The following ITPR1 variants were observed in gnomAD, a reference collection of about 807,000 sequenced individuals.
The protein encoded by ITPR1 is inositol 1,4,5-trisphosphate-gated calcium channel ITPR1.
A neutral mutation model predicts 318.4 loss-of-function variants in ITPR1; 96 were observed. The ratio of observed to expected loss-of-function variants is 0.30; its 90% CI spans 0.26 to 0.36. The LOEUF (loss-of-function observed/expected upper bound fraction) is 0.36, where lower values mean the gene tolerates loss of function less well. Ranked by LOEUF, ITPR1 falls within the 10% of genes least tolerant of loss-of-function variation. The probability of loss-of-function intolerance (pLI) is 1.00; values close to 1 mark genes in which losing one functional copy is unlikely to be tolerated. For synonymous variants in ITPR1, 1,312 were observed against 1,289.9 expected (o/e 1.02, Z -0.37); for missense variants, 2,440 against 3,460.2 (o/e 0.71, Z 7.40).
chr3:4,758,945 A>T (rs1220993566), intron 44 of ITPR1, among the ~76,000 whole-genome samples: 1 of 152,246 alleles, frequency 6.6e-6, no homozygotes, highest in Admixed American at 6.5e-5. Context: ...AAACACTTTG[A>T]TTACTACCAA....
At chr3:4,596,951 T>A (rs183879932) in intron 4 of ITPR1, among the ~76,000 whole-genome samples, 1 of 152,232 alleles carries the variant, frequency 6.6e-6, no homozygotes, top group East Asian at 1.9e-4. Flanking sequence ...TTACCAGGGG[T>A]TTGCCGCTTA....
At chr3:4,709,130 C>T (rs1387093173) in intron 37 of ITPR1, among the ~76,000 whole-genome samples, 1 of 152,166 alleles carries the variant, frequency 6.6e-6, no homozygotes, top group East Asian at 1.9e-4. Context: ...TGACTGGGTG[C>T]TTCCAAAAGG....
In ITPR1 at chr3:4,814,727, C is replaced by T. The variant is rs76736027; in HGVS notation, c.7701+165C>T. 11,218 of 688,658 alleles carry T rather than the reference C, an allele frequency of 0.016. 822 individuals are homozygous for T. The highest frequency in any genetic ancestry group is 0.16 in the African/African-American group (8,999 of 55,420). 42.7% of individuals were successfully genotyped at this position (688,658 alleles called of 1,614,324 possible). ...CATCAGGCTCCTTTCCTCTCTATCA[C>T]GTGAGGTGGTGCCGCAAAGTCAGCT... On this transcript the variant is annotated intron_variant, in intron 58 of 61. Transcript: ENST00000649015.
intron 4 of ITPR1, among the ~76,000 whole-genome samples, chr3:4,586,992 G>A (rs2089972023): frequency 6.6e-6 from 1 of 152,070 alleles, no homozygotes; most frequent in African/African-American, 2.4e-5. Context: ...ATTGTACTGG[G>A]AATCACCCGG....
intron 46 of ITPR1, 35 bp downstream of exon 46, chr3:4,768,799 C>A (rs943785545): frequency 6.3e-7 from 1 of 1,581,584 alleles, no homozygotes; most frequent in Admixed American, 1.7e-5. Flanking sequence ...GGAGGGAGCT[C>A]GGGAAAGGCT....
At chr3:4,567,470 G>A (rs62231456) in intron 4 of ITPR1, among the ~76,000 whole-genome samples, 55,182 of 151,976 alleles carry the variant, frequency 0.36, 10,510 homozygotes, top group Middle Eastern at 0.48. Context: ...AGTATAACAT[G>A]GAACATGCTA....
intron 4 of ITPR1, among the ~76,000 whole-genome samples, chr3:4,579,635 C>T (rs768731168): frequency 2.7e-4 from 41 of 152,126 alleles, no homozygotes; most frequent in African/African-American, 6.3e-4. Context: ...AAGCCTGTTA[C>T]GGATCTTGCT....
intron 10 of ITPR1, among the ~76,000 whole-genome samples, chr3:4,649,247 A>T (rs1044153874): frequency 6.6e-6 from 1 of 152,218 alleles, no homozygotes; most frequent in African/African-American, 2.4e-5. Flanking sequence ...TATGAACAGG[A>T]TATTTTTGCA....
chr3:4,705,287 A>T (rs1425661708), intron 36 of ITPR1, among the ~76,000 whole-genome samples: 1 of 152,182 alleles, frequency 6.6e-6, no homozygotes, highest in Non-Finnish European at 1.5e-5. Flanking sequence ...CAAGGGTAAT[A>T]CAGAGAGTTC....
At chr3:4,696,472 A>G (rs1023150847) in intron 33 of ITPR1, among the ~76,000 whole-genome samples, 2 of 152,176 alleles carry the variant, frequency 1.3e-5, no homozygotes, top group East Asian at 1.9e-4. Context: ...GTAATTTTCT[A>G]TTCTATACAT....
At chr3:4,564,927 A>G (rs1271281544) in intron 4 of ITPR1, among the ~76,000 whole-genome samples, 1 of 152,234 alleles carries the variant, frequency 6.6e-6, no homozygotes, top group African/African-American at 2.4e-5. Flanking sequence ...ATGGGGACGC[A>G]GTTCAGTTCA....
intron 39 of ITPR1, among the ~76,000 whole-genome samples, chr3:4,712,753 A>G (rs1027251995): frequency 2.6e-4 from 39 of 152,234 alleles, no homozygotes; most frequent in African/African-American, 8.9e-4. Context: ...TTTCTAACCT[A>G]TCTGTCATTA....
chr3:4,755,847 A>G (rs1362994760), intron 44 of ITPR1, among the ~76,000 whole-genome samples: 1 of 152,134 alleles, frequency 6.6e-6, no homozygotes, highest in Non-Finnish European at 1.5e-5. Flanking sequence ...CTTATTTCAG[A>G]CAAATGAAAT....
chr3:4,507,099 A>ATTTT (rs201789825), intron 2 of ITPR1, among the ~76,000 whole-genome samples: 2 of 137,634 alleles, frequency 1.5e-5, no homozygotes, highest in Non-Finnish European at 3.2e-5. Context: ...AAGAGTAGCA[A>ATTTT]TTTTTTTTTT....
At chr3:4,672,737 T>C (rs1363256083) in intron 20 of ITPR1, among the ~76,000 whole-genome samples, 1 of 152,250 alleles carries the variant, frequency 6.6e-6, no homozygotes, top group Admixed American at 6.5e-5. Context: ...GTGTGATATC[T>C]TGAACATTTC....
At chr3:4,497,759 C>G (rs2080708308) in intron 2 of ITPR1, among the ~76,000 whole-genome samples, 1 of 152,134 alleles carries the variant, frequency 6.6e-6, no homozygotes, top group Non-Finnish European at 1.5e-5. Flanking sequence ...ATTTGTACAC[C>G]TGTGTCAGTA....
intron 40 of ITPR1, among the ~76,000 whole-genome samples, chr3:4,718,921 A>G (rs1489330332): frequency 6.6e-6 from 1 of 152,160 alleles, no homozygotes; most frequent in Non-Finnish European, 1.5e-5. Flanking sequence ...TAAATGCCTC[A>G]CTGATTTAAA....
intron 3 of ITPR1, among the ~76,000 whole-genome samples, chr3:4,520,645 A>G (rs2082488782): frequency 6.6e-6 from 1 of 152,110 alleles, no homozygotes; most frequent in African/African-American, 2.4e-5. Flanking sequence ...TGAGCTCCCA[A>G]AGAGCAAGGG....
At chr3:4,586,479 A>G (rs1333661797) in intron 4 of ITPR1, among the ~76,000 whole-genome samples, 1 of 145,270 alleles carries the variant, frequency 6.9e-6, no homozygotes, top group Non-Finnish European at 1.5e-5. Flanking sequence ...TATTTAAGTC[A>G]CTGTCTGGCG....
Sources: gnomAD v4.1 joint callset for allele counts (sites outside exome capture counted in the v4.1 genomes callset) on GRCh38, gnomAD v4.1.1 for gene constraint, MANE v1.5 for transcripts, NCBI Gene and HGNC (gene_info 2026-07-23, HGNC 2026-07-21) for gene names.